PRKCE: variants seen among roughly 807,000 people sequenced by gnomAD.
PRKCE encodes the protein protein kinase C epsilon type.
In PRKCE, 16 loss-of-function variants were observed where a neutral mutation model predicts 85.4. The observed-to-expected ratio is 0.19, with a 90% CI of 0.13 to 0.28. The LOEUF is 0.28. Among genes scored for constraint, PRKCE ranks in the 10% least tolerant of loss-of-function variants. The pLI, the probability that PRKCE is intolerant of heterozygous loss-of-function variation, is 1.00. For synonymous variants in PRKCE, 388 were observed against 371.5 expected, an observed-to-expected ratio of 1.04 and a Z score of -0.51; for missense variants, 573 against 975.2, an observed-to-expected ratio of 0.59 and a Z score of 5.49.
At position 45,977,323 on chromosome 2, in the gene PRKCE, A is replaced by G. The variant is rs1011782253; in HGVS notation, c.572+735A>G. Among the ~76,000 whole-genome samples the G allele has an allele frequency of 3.3e-5, 5 of 152,088 alleles. 1 individual carries two copies. The highest frequency in any genetic ancestry group is 2.6e-4 in the Admixed American group (4 of 15,248). On this transcript the variant is annotated intron_variant, in intron 3 of 14. Transcript: ENST00000306156. ...TTACAAGTGAAATTATCTGATGCCTAGGATTTGTTAGAAAATCAGGAAGGA... is the reference window on the plus strand; with the variant it reads ...TTACAAGTGAAATTATCTGATGCCTGGGATTTGTTAGAAAATCAGGAAGGA...
chr2:45,664,483 TA>T (rs1385817296), intron 1 of PRKCE, among the ~76,000 whole-genome samples: 8 of 152,250 alleles, frequency 5.3e-5, no homozygotes, highest in Non-Finnish European at 1.2e-4. Flanking sequence ...TTGGGGATTT[TA>T]TTAGTAATAA....
At chr2:45,822,505 A>T (rs555576173) in intron 1 of PRKCE, among the ~76,000 whole-genome samples, 2 of 152,242 alleles carry the variant, frequency 1.3e-5, no homozygotes, top group South Asian at 4.1e-4. Flanking sequence ...GGATGTGGAC[A>T]CAAGGGTAAC....
chr2:46,003,147 C>G (rs566292055), intron 7 of PRKCE, among the ~76,000 whole-genome samples: 47 of 152,290 alleles, frequency 3.1e-4, no homozygotes, highest in African/African-American at 1.1e-3. Flanking sequence ...AGTTGTAACT[C>G]AAGTCACTAT....
chr2:46,001,255 A>ATATG lies in PRKCE; in HGVS notation c.824-146_824-145insGTAT, dbSNP rs201617960. On this transcript the variant is annotated intron_variant, in intron 6 of 14. Coordinates refer to ENST00000306156, the MANE Select transcript of PRKCE (RefSeq NM_005400.3). The surrounding 1 kb of genome is among the most constrained non-coding windows in gnomAD (Gnocchi z 4.4). The stretch of plus-strand genomic sequence containing the variant: ...TTTGGTTTTGTATGATGGAAGACAT[A>ATATG]TATATATATATATATATTTCTGTAT... 3.9e-5 allele frequency: 16 copies of ATATG among 411,820 alleles called. No individual in the cohort carries two copies. In the East Asian group the frequency reaches 1.2e-3, roughly 32 times the overall value. 25.5% of individuals were successfully genotyped at this position (411,820 alleles called of 1,614,324 possible).
chr2:45,685,001 C>A (rs1677191118), intron 1 of PRKCE, among the ~76,000 whole-genome samples: 1 of 152,208 alleles, frequency 6.6e-6, no homozygotes, highest in African/African-American at 2.4e-5. Flanking sequence ...AAGTCTGTTC[C>A]TGGCTTTTTC....
intron 10 of PRKCE, among the ~76,000 whole-genome samples, chr2:46,034,259 G>T (rs1447826905): frequency 6.6e-6 from 1 of 152,140 alleles, no homozygotes; most frequent in African/African-American, 2.4e-5. Context: ...TCCTTAGATA[G>T]GGGCTGTCAC....
intron 1 of PRKCE, among the ~76,000 whole-genome samples, chr2:45,767,701 C>T (rs1685020588): frequency 6.6e-6 from 1 of 152,234 alleles, no homozygotes; most frequent in Non-Finnish European, 1.5e-5. Flanking sequence ...AGCAGTGCTT[C>T]TGTGGACTTG....
At chr2:45,812,499 C>T (rs1220448305) in intron 1 of PRKCE, among the ~76,000 whole-genome samples, 1 of 152,234 alleles carries the variant, frequency 6.6e-6, no homozygotes, top group East Asian at 1.9e-4. Flanking sequence ...GGAGTGCTGG[C>T]TTCCCATCTT....
At chr2:45,856,661 A>G (rs1406311491) in intron 2 of PRKCE, among the ~76,000 whole-genome samples, 5 of 152,188 alleles carry the variant, frequency 3.3e-5, no homozygotes, top group Admixed American at 3.3e-4. Flanking sequence ...CTTCCTGTCT[A>G]ACTGTAACTT....
At chr2:45,882,097 G>C (rs889549853) in intron 2 of PRKCE, among the ~76,000 whole-genome samples, 2 of 152,252 alleles carry the variant, frequency 1.3e-5, no homozygotes, top group Middle Eastern at 6.8e-3. Context: ...ATGAAATTAA[G>C]GTGTTATAAT....
intron 2 of PRKCE, among the ~76,000 whole-genome samples, chr2:45,848,491 A>G (rs982084477): frequency 2.0e-5 from 3 of 152,074 alleles, no homozygotes. Flanking sequence ...TTGTATTTTT[A>G]GTAGAGACAG....
At chr2:45,730,758 C>A (rs146036289) in intron 1 of PRKCE, among the ~76,000 whole-genome samples, 60 of 152,266 alleles carry the variant, frequency 3.9e-4, no homozygotes, top group African/African-American at 1.4e-3. Flanking sequence ...CCATGCCTGG[C>A]AAGCACAACA....
At chr2:45,768,685 A>T (rs1318037157) in intron 1 of PRKCE, among the ~76,000 whole-genome samples, 1 of 152,206 alleles carries the variant, frequency 6.6e-6, no homozygotes, top group Non-Finnish European at 1.5e-5. Context: ...TTCTCTGTTT[A>T]TCCAAATGCT....
intron 1 of PRKCE, among the ~76,000 whole-genome samples, chr2:45,811,618 A>G (rs1326020049): frequency 6.6e-6 from 1 of 152,198 alleles, no homozygotes; most frequent in African/African-American, 2.4e-5. Context: ...GTCACCATCT[A>G]TGTATGGCTC....
At chr2:45,755,179 C>A (rs1573216681) in intron 1 of PRKCE, among the ~76,000 whole-genome samples, 1 of 152,164 alleles carries the variant, frequency 6.6e-6, no homozygotes, top group East Asian at 1.9e-4. Context: ...TGTGGCCACT[C>A]CACATTGTAT....
intron 1 of PRKCE, among the ~76,000 whole-genome samples, chr2:45,833,031 A>G (rs1690563196): frequency 1.3e-5 from 2 of 152,004 alleles, no homozygotes; most frequent in Admixed American, 6.6e-5. Context: ...CAAGAACTGA[A>G]TATCAGCCCG....
At chr2:46,050,580 G>C (rs775934963) in intron 10 of PRKCE, among the ~76,000 whole-genome samples, 4 of 152,148 alleles carry the variant, frequency 2.6e-5, no homozygotes, top group Non-Finnish European at 5.9e-5. Context: ...CTGTGACCTT[G>C]TGGGGTGGGA....
At chr2:46,080,024 G>A (rs895416369) in intron 10 of PRKCE, among the ~76,000 whole-genome samples, 2 of 152,166 alleles carry the variant, frequency 1.3e-5, no homozygotes, top group East Asian at 3.9e-4. Context: ...AGGAGGAGGT[G>A]GAATAAGGCT....
intron 2 of PRKCE, among the ~76,000 whole-genome samples, chr2:45,964,177 C>T (rs1406192152): frequency 2.6e-5 from 4 of 152,196 alleles, no homozygotes; most frequent in East Asian, 1.9e-4. Context: ...CCACTCTACT[C>T]GGCACATTCA....
Sources: gnomAD v4.1 joint callset for allele counts (sites outside exome capture counted in the v4.1 genomes callset) on GRCh38, gnomAD v4.1.1 for gene constraint, Gnocchi (gnomAD v3.1) non-coding constraint, MANE v1.5 for transcripts, NCBI Gene and HGNC (gene_info 2026-07-23, HGNC 2026-07-21) for gene names.